Variants in MOB2 observed in about 807,000 individuals in gnomAD.
The protein encoded by MOB2 is MOB2 Mps One Binder homolog.
In MOB2, 14 loss-of-function variants were observed where a neutral mutation model predicts 27.4. That is an observed-to-expected ratio of 0.51 (90% CI 0.34 to 0.80). The LOEUF (loss-of-function observed/expected upper bound fraction) is 0.80, where lower values mean the gene tolerates loss of function less well. Ranked by LOEUF, MOB2 falls within the 30% of genes least tolerant of loss-of-function variation. The pLI, the probability that MOB2 is intolerant of heterozygous loss-of-function variation, is 0.01. For synonymous variants in MOB2, 167 were observed against 151.8 expected (o/e 1.10, Z -0.74); for missense variants, 304 against 354.6 (o/e 0.86, Z 1.15).
rs914099790 is a variant in MOB2 at position 1,469,530 on chromosome 11, G to A, written c.*642C>T. 1.1e-5 allele frequency: 5 copies of A among 455,854 alleles called. No homozygotes were observed. The highest frequency in any genetic ancestry group is 9.4e-5 in the Admixed American group (4 of 42,536). The allele number at this position is 455,854 out of a possible 1,614,324, so 28.2% of individuals were successfully genotyped here. On this transcript the variant is annotated 3_prime_UTR_variant, in exon 5 of 5. Transcript: ENST00000329957. ...AAGCGGGTCTCAGCCTTCCGCTGGTGCAGCATCTCCACGCAGGGCCTCAGC... is the reference window on the plus strand; with the variant it reads ...AAGCGGGTCTCAGCCTTCCGCTGGTACAGCATCTCCACGCAGGGCCTCAGC...
intron 4 of MOB2, 135 bp downstream of exon 4, chr11:1,471,160 G>C: frequency 8.1e-7 from 1 of 1,236,838 alleles, no homozygotes; most frequent in South Asian, 1.5e-5. Flanking sequence ...ATGCTAAGCA[G>C]GGACTGGGGT....
intron 1 of MOB2, 113 bp downstream of exon 1, chr11:1,486,334 G>T: frequency 1.3e-6 from 1 of 786,094 alleles, no homozygotes; most frequent in Non-Finnish European, 2.1e-6. Context: ...CACTGGGAGG[G>T]CAGCCACGGA....
At chr11:1,481,205 GC>G (rs376362681) in intron 1 of MOB2, 3 of 444,332 alleles carry the variant, frequency 6.8e-6, no homozygotes, top group East Asian at 5.1e-5. Flanking sequence ...AGGGTTTAGG[GC>G]CCCCAGCGCC....
At chr11:1,482,257 T>C (rs1431757597) in intron 1 of MOB2, among the ~76,000 whole-genome samples, 2 of 152,232 alleles carry the variant, frequency 1.3e-5, no homozygotes. Context: ...AAGCTCCAGG[T>C]GGCAGTTACC....
intron 1 of MOB2, among the ~76,000 whole-genome samples, chr11:1,483,856 C>T (rs1847941596): frequency 6.6e-6 from 1 of 152,204 alleles, no homozygotes; most frequent in African/African-American, 2.4e-5. Flanking sequence ...GGAAGGGGCA[C>T]AGGGAGGCAT....
At chr11:1,475,260 C>T (rs1252374192) in intron 3 of MOB2, among the ~76,000 whole-genome samples, 1 of 152,108 alleles carries the variant, frequency 6.6e-6, no homozygotes, top group East Asian at 1.9e-4. Context: ...CTGATTTGTG[C>T]GTGTTGACCT....
At chr11:1,485,703 C>T (rs1847962458) in intron 1 of MOB2, among the ~76,000 whole-genome samples, 2 of 152,068 alleles carry the variant, frequency 1.3e-5, no homozygotes, top group East Asian at 1.9e-4. Context: ...TGCCCCACTC[C>T]CCCGGCCCCT....
At chr11:1,471,005 A>G (rs1164584865) in intron 4 of MOB2, among the ~76,000 whole-genome samples, 1 of 152,252 alleles carries the variant, frequency 6.6e-6, no homozygotes, top group Non-Finnish European at 1.5e-5. Context: ...CACAAGCTGG[A>G]CGGTGAGAGC....
At chr11:1,478,625 C>A (rs1847878047) in intron 3 of MOB2, among the ~76,000 whole-genome samples, 2 of 152,188 alleles carry the variant, frequency 1.3e-5, no homozygotes, top group Non-Finnish European at 2.9e-5. Context: ...GCCCCCAGTT[C>A]TCAGCATTTG....
rs755855003 is a variant in MOB2 at position 1,470,325 on chromosome 11, C to A, written c.654G>T (p.Arg218=). ...CTTTGGGGTCCAGCAGGTTGAACTC[C>A]CGAGCAAAGAGGATGAAGTGGACGT... ...TLYVHFILFA[R]EFNLLDPKET... The change falls in exon 5 of 5, where the codon CGG becomes CGT. Residue 218 remains arginine, a synonymous_variant. Coordinates refer to ENST00000329957, the MANE Select transcript of MOB2 (RefSeq NM_001172223.3). 2.5e-6 allele frequency: 4 copies of A among 1,613,368 alleles called. No homozygotes were observed. In the African/African-American group the frequency reaches 4.0e-5, roughly 16 times the overall value.
chr11:1,482,398 G>A (rs914532740), intron 1 of MOB2, among the ~76,000 whole-genome samples: 6 of 152,226 alleles, frequency 3.9e-5, no homozygotes, highest in South Asian at 2.1e-4. Flanking sequence ...CTTCCAGGCT[G>A]GGGCTACCTT....
intron 4 of MOB2, 74 bp downstream of exon 4, chr11:1,471,221 G>C: frequency 3.9e-6 from 6 of 1,524,372 alleles, no homozygotes; most frequent in Non-Finnish European, 5.3e-6. Context: ...CAGGAGCTTG[G>C]TCACTTGCAG....
chr11:1,471,284 G>C lies in MOB2; in HGVS notation c.490+11C>G. 6.2e-7 allele frequency: 1 copy of C among 1,609,330 alleles called. No homozygotes were observed. Among genetic ancestry groups the C allele is most frequent in the Non-Finnish European group, 8.5e-7 (1 of 1,177,792 alleles). The stretch of plus-strand genomic sequence containing the variant: ...TGTGAGGATGACCGCCCAGTGCTGG[G>C]GGAGACGAACCGTATTTTGTGGGGA... On this transcript the variant is annotated intron_variant, in intron 4 of 4. Coordinates refer to ENST00000329957, the MANE Select transcript of MOB2 (RefSeq NM_001172223.3).
chr11:1,471,583 T>G, intron 3 of MOB2, 164 bp from the exon 4 acceptor site: 3 of 758,924 alleles, frequency 4.0e-6, no homozygotes, highest in East Asian at 5.4e-5. Context: ...CCCCACACAC[T>G]GTCTGCGGGG....
intron 1 of MOB2, among the ~76,000 whole-genome samples, chr11:1,485,826 G>C (rs1268253405): frequency 1.3e-5 from 2 of 152,204 alleles, no homozygotes; most frequent in East Asian, 1.9e-4. Context: ...GTGTGGGCAG[G>C]GAGGCACCCC....
At chr11:1,478,546 T>C (rs1481900252) in intron 3 of MOB2, among the ~76,000 whole-genome samples, 1 of 152,166 alleles carries the variant, frequency 6.6e-6, no homozygotes, top group Non-Finnish European at 1.5e-5. Flanking sequence ...CACTGCGGCA[T>C]CTGTTGTCAG....
intron 3 of MOB2, among the ~76,000 whole-genome samples, chr11:1,477,416 A>G (rs1429659230): frequency 1.3e-5 from 2 of 152,134 alleles, no homozygotes; most frequent in Non-Finnish European, 2.9e-5. Context: ...GCACCACAGC[A>G]CCTAGAGTGG....
At chr11:1,485,011 G>C (rs550803310) in intron 1 of MOB2, among the ~76,000 whole-genome samples, 1 of 152,192 alleles carries the variant, frequency 6.6e-6, no homozygotes, top group East Asian at 1.9e-4. Flanking sequence ...CACAAGGAAC[G>C]CCCGCAGACA....
chr11:1,482,711 C>A (rs1230335996), intron 1 of MOB2, among the ~76,000 whole-genome samples: 3 of 152,234 alleles, frequency 2.0e-5, no homozygotes. Flanking sequence ...GCAAGCCTAC[C>A]TTCTTTGGAC....
Sources: gnomAD v4.1 joint callset for allele counts (sites outside exome capture counted in the v4.1 genomes callset) on GRCh38, gnomAD v4.1.1 for gene constraint, MANE v1.5 for transcripts, NCBI Gene and HGNC (gene_info 2026-07-23, HGNC 2026-07-21) for gene names.